Variants in ARID2 observed in about 807,000 individuals in gnomAD.
ARID2 encodes the protein AT-rich interaction domain 2.
ARID2 carries 32 observed loss-of-function variants against 184.6 expected under a neutral mutation model. That is an observed-to-expected ratio of 0.17 (90% CI 0.13 to 0.23). The LOEUF (loss-of-function observed/expected upper bound fraction) is 0.23, where lower values mean the gene tolerates loss of function less well. Among genes scored for constraint, ARID2 ranks in the 10% least tolerant of loss-of-function variants. The pLI is 1.00. For missense variants in ARID2, 1,696 were observed against 2,197.6 expected (o/e 0.77, Z 4.56); for synonymous variants, 836 against 772.6 (o/e 1.08, Z -1.36).
At chr12:45,801,140 A>G (rs1463637822) in intron 3 of ARID2, among the ~76,000 whole-genome samples, 5 of 151,986 alleles carry the variant, frequency 3.3e-5, no homozygotes, top group Admixed American at 2.6e-4. Context: ...GTGAAACCTC[A>G]TCTCTACTAA....
chr12:45,878,537 A>G (rs1000013070), intron 16 of ARID2, among the ~76,000 whole-genome samples: 3 of 151,966 alleles, frequency 2.0e-5, no homozygotes, highest in Admixed American at 1.3e-4. Context: ...TATGAAAGAC[A>G]TTGTTTATTT....
chr12:45,864,522 GAA>G (rs1165687093), intron 16 of ARID2, among the ~76,000 whole-genome samples: 1 of 136,044 alleles, frequency 7.4e-6, no homozygotes. Context: ...AGTTTTTGTT[GAA>G]AAAAAAAAAA....
intron 16 of ARID2, among the ~76,000 whole-genome samples, chr12:45,871,927 C>CTT (rs1943932048): frequency 6.6e-6 from 1 of 152,084 alleles, no homozygotes; most frequent in African/African-American, 2.4e-5. Context: ...TATTAGCATC[C>CTT]TTTTAATGTC....
intron 3 of ARID2, among the ~76,000 whole-genome samples, chr12:45,774,797 T>C (rs1941943948): frequency 6.6e-6 from 1 of 152,232 alleles, no homozygotes; most frequent in African/African-American, 2.4e-5. Context: ...TTGAGTTTTA[T>C]GAGGCATTGT....
At chr12:45,763,331 G>A (rs1221220673) in intron 3 of ARID2, among the ~76,000 whole-genome samples, 4 of 152,032 alleles carry the variant, frequency 2.6e-5, no homozygotes, top group African/African-American at 9.7e-5. Flanking sequence ...TTAGCCGGGC[G>A]TGGAGGCAGG....
intron 3 of ARID2, among the ~76,000 whole-genome samples, chr12:45,782,986 G>T (rs1942124563): frequency 6.6e-6 from 1 of 151,704 alleles, no homozygotes; most frequent in Non-Finnish European, 1.5e-5. Context: ...ATTAGCCAGG[G>T]GTGGTCGTGC....
chr12:45,770,920 C>T (rs1046531812), intron 3 of ARID2, among the ~76,000 whole-genome samples: 2 of 152,078 alleles, frequency 1.3e-5, no homozygotes, highest in African/African-American at 2.4e-5. Flanking sequence ...CTTTCTTTGG[C>T]TTGGGAGTGG....
chr12:45,776,620 G>T (rs1377715293), intron 3 of ARID2, among the ~76,000 whole-genome samples: 1 of 152,016 alleles, frequency 6.6e-6, no homozygotes, highest in Non-Finnish European at 1.5e-5. Flanking sequence ...TGAAATCAAA[G>T]GATTTTTTTA....
At chr12:45,731,192 G>T (rs189047856) in intron 2 of ARID2, 25 bp from the exon 3 acceptor site, 1 of 1,527,246 alleles carries the variant, frequency 6.5e-7, no homozygotes, top group Non-Finnish European at 9.1e-7. Flanking sequence ...TTCACGTTCA[G>T]ACAACTGTGC....
At chr12:45,741,067 T>C (rs1037081365) in intron 3 of ARID2, among the ~76,000 whole-genome samples, 4 of 152,240 alleles carry the variant, frequency 2.6e-5, no homozygotes, top group Non-Finnish European at 4.4e-5. Context: ...AGTTTTAACA[T>C]CCACTGATGG....
intron 16 of ARID2, among the ~76,000 whole-genome samples, chr12:45,890,610 A>G (rs958067145): frequency 6.6e-6 from 1 of 152,202 alleles, no homozygotes; most frequent in Non-Finnish European, 1.5e-5. Flanking sequence ...TAGCCTCACA[A>G]TATACTTTTG....
At chr12:45,761,936 A>G (rs1592060374) in intron 3 of ARID2, among the ~76,000 whole-genome samples, 1 of 152,124 alleles carries the variant, frequency 6.6e-6, no homozygotes, top group Non-Finnish European at 1.5e-5. Flanking sequence ...AACATTTCCT[A>G]GATTAATTCT....
chr12:45,852,863 T>G lies in ARID2; in HGVS notation c.4740T>G (p.His1580Gln), dbSNP rs766881879. The G allele has an allele frequency of 1.9e-6, 3 of 1,609,396 alleles. No individual in the cohort carries two copies. The Admixed American group carries it at 5.0e-5, about 27-fold the overall frequency. Residue 1580 changes from histidine to glutamine, a missense_variant, in exon 15 of 21, where the codon CAT (histidine) becomes CAG (glutamine). His to Gln is a conservative substitution (Grantham distance 24). This residue lies in a region of ARID2 where 111 missense variants were observed against 154.0 expected (regional missense o/e 0.72). Transcript: ENST00000334344. ...GTGCTGTTCAGCAAAAGCAACAGCA[T>G]CCACCAACATATGTACAGAATGTGG... Reference protein sequence around the residue: ...IESAVQQKQQHPPTYVQNVVP... With the variant: ...IESAVQQKQQQPPTYVQNVVP...
At chr12:45,879,332 C>CT (rs899070623) in intron 16 of ARID2, among the ~76,000 whole-genome samples, 2 of 152,094 alleles carry the variant, frequency 1.3e-5, no homozygotes, top group African/African-American at 4.8e-5. Flanking sequence ...AGAGAACAGT[C>CT]TGGGCATATT....
chr12:45,802,739 AT>A (rs1287374158), intron 3 of ARID2, among the ~76,000 whole-genome samples: 2 of 151,886 alleles, frequency 1.3e-5, no homozygotes, highest in South Asian at 2.1e-4. Context: ...AGAAAAAAAA[AT>A]TTTTTTTCGT....
intron 3 of ARID2, among the ~76,000 whole-genome samples, chr12:45,809,485 ATGAC>A (rs2138079469): frequency 6.7e-6 from 1 of 148,844 alleles, no homozygotes; most frequent in Non-Finnish European, 1.5e-5. Context: ...ATGCTAGAGA[ATGAC>A]TGCCCCTTCT....
At position 45,821,397 on chromosome 12, in the gene ARID2, CTATT is replaced by C. The variant is rs778998409; in HGVS notation, c.638-13_638-10del. On this transcript the variant is annotated intron_variant, in intron 5 of 20. Transcript: ENST00000334344. ...AATTTATTGCATTTTATTGAATGTACTATTTATTTATTTGTTTTTTAGCTTTAGG... is the reference window on the plus strand; with the variant it reads ...AATTTATTGCATTTTATTGAATGTACTATTTATTTGTTTTTTAGCTTTAGG... 4.5e-5 allele frequency: 62 copies of C among 1,370,622 alleles called. No homozygotes were observed. The highest frequency in any genetic ancestry group is 3.8e-4 in the Middle Eastern group (2 of 5,256). 84.9% of individuals were successfully genotyped at this position (1,370,622 alleles called of 1,614,324 possible). A position where few individuals can be genotyped will look rare whatever the true frequency, so the allele number is the denominator to read the frequency against.
At chr12:45,764,357 T>TC (rs1295055610) in intron 3 of ARID2, among the ~76,000 whole-genome samples, 6 of 152,014 alleles carry the variant, frequency 3.9e-5, no homozygotes, top group African/African-American at 1.2e-4. Context: ...GTGAAATCAT[T>TC]CCCCCCTTTT....
At chr12:45,823,594 A>C (rs1942938243) in intron 6 of ARID2, among the ~76,000 whole-genome samples, 1 of 152,136 alleles carries the variant, frequency 6.6e-6, no homozygotes. Flanking sequence ...TAAAGTCAGA[A>C]ACATAAAAGG....
Sources: allele counts gnomAD v4.1 joint callset (sites outside exome capture counted in the v4.1 genomes callset), GRCh38; gene constraint gnomAD v4.1.1; regional missense constraint gnomAD v4.1.1; transcripts MANE v1.5; gene names NCBI Gene and HGNC (gene_info 2026-07-23, HGNC 2026-07-21).